Variants in BRIP1 observed in about 807,000 individuals in gnomAD.
BRIP1 encodes the protein Fanconi anemia group J protein.
In BRIP1, 88 loss-of-function variants were observed where a neutral mutation model predicts 119.7. The observed-to-expected ratio is 0.74, with a 90% confidence interval of 0.62 to 0.88. The LOEUF (loss-of-function observed/expected upper bound fraction) is 0.88. Ranked by LOEUF, BRIP1 falls within the 40% of genes least tolerant of loss-of-function variation. The pLI is 0.00. For synonymous variants in BRIP1, 443 were observed against 496.5 expected, an observed-to-expected ratio of 0.89 and a Z score of 1.43; for missense variants, 1,259 against 1,455.4, an observed-to-expected ratio of 0.87 and a Z score of 2.20.
intron 14 of BRIP1, among the ~76,000 whole-genome samples, chr17:61,747,697 A>G (rs1015784063): frequency 3.9e-5 from 6 of 152,076 alleles, no homozygotes; most frequent in Non-Finnish European, 8.8e-5. Context: ...ATTTTTATTT[A>G]TTTAATTTTA....
intron 17 of BRIP1, among the ~76,000 whole-genome samples, chr17:61,714,032 T>C (rs1005521521): frequency 6.6e-6 from 1 of 152,036 alleles, no homozygotes; most frequent in African/African-American, 2.4e-5. Flanking sequence ...TACAGCAAGC[T>C]GGGCACAGTG....
chr17:61,744,853 A>ACTACTG lies in BRIP1; in HGVS notation c.2098-268_2098-263dup, dbSNP rs1370510297. Among the ~76,000 whole-genome samples the ACTACTG allele has an allele frequency of 2.7e-5, 4 of 150,718 alleles. No individual in the cohort carries two copies. Among genetic ancestry groups the ACTACTG allele is most frequent in the Non-Finnish European group, 4.5e-5 (3 of 67,320 alleles). On this transcript the variant is annotated intron_variant, in intron 14 of 19. Transcript: ENST00000259008. This position sits in a 1 kb window ranked among gnomAD's most constrained non-coding sequence, Gnocchi z 5.0. ...TATTATCTTGGCAATTTCTACCACT[A>ACTACTG]CTACTGCTACTACTACTATTACTAC...
Position 61,745,954 on chromosome 17 carries a change from A to G in BRIP1, c.2098-1363T>C, listed in dbSNP as rs946318257. 3.3e-5 allele frequency among the ~76,000 whole-genome samples: 5 copies of G among 152,192 alleles called. No homozygotes were observed. The highest frequency in any genetic ancestry group is 7.3e-5 in the Non-Finnish European group (5 of 68,032). Reference sequence around the variant, plus strand: ...ATAAATGAAAAAGACAAAAGCTAATATTAGAGATTATTATTTAAATTGAAC... The same window carrying G: ...ATAAATGAAAAAGACAAAAGCTAATGTTAGAGATTATTATTTAAATTGAAC... On this transcript the variant is annotated intron_variant, in intron 14 of 19. Transcript: ENST00000259008. The surrounding 1 kb of genome is among the most constrained non-coding windows in gnomAD (Gnocchi z 4.4).
intron 16 of BRIP1, among the ~76,000 whole-genome samples, chr17:61,719,192 T>C (rs2061932383): frequency 6.9e-6 from 1 of 145,380 alleles, no homozygotes; most frequent in Admixed American, 6.9e-5. Context: ...CCCCCATGTT[T>C]ATTGCAGCAC....
chr17:61,692,102 C>T (rs2061455908), intron 18 of BRIP1, among the ~76,000 whole-genome samples: 1 of 152,170 alleles, frequency 6.6e-6, no homozygotes, highest in Non-Finnish European at 1.5e-5. Flanking sequence ...GGGACAGAAC[C>T]CTCATGAAAG....
chr17:61,719,184 C>CA (rs1198949126), intron 16 of BRIP1, among the ~76,000 whole-genome samples: 2 of 148,564 alleles, frequency 1.3e-5, no homozygotes, highest in Non-Finnish European at 3.0e-5. Flanking sequence ...TTGCCCCCCC[C>CA]CCATGTTTAT....
rs2078975192 is a variant in BRIP1, at chr17:61,861,629, C to G, written c.-30-60G>C. 5.3e-6 allele frequency: 5 copies of G among 940,420 alleles called. No individual in the cohort carries two copies. Among genetic ancestry groups the G allele is most frequent in the South Asian group, 4.0e-5 (3 of 74,336 alleles). 58.3% of individuals were successfully genotyped at this position (940,420 alleles called of 1,614,324 possible). A position where few individuals can be genotyped will look rare whatever the true frequency, so the allele number is the denominator to read the frequency against. ...ACGCCTTACAAAGAAAACCAGAGAA[C>G]CAAAACTAAGGGAGAAATCTGGAAA... is the stretch of plus-strand genomic sequence containing the variant. On this transcript the variant is annotated intron_variant, in intron 1 of 19. Coordinates refer to ENST00000259008, the MANE Select transcript of BRIP1 (RefSeq NM_032043.3). The surrounding 1 kb of genome is among the most constrained non-coding windows in gnomAD (Gnocchi z 4.5).
intron 10 of BRIP1, among the ~76,000 whole-genome samples, chr17:61,786,472 A>G (rs2077709046): frequency 6.6e-6 from 1 of 151,674 alleles, no homozygotes; most frequent in East Asian, 1.9e-4. Context: ...TATATTCTAT[A>G]GGTATACTAC....
Position 61,682,704 on chromosome 17 carries a change from T to A in BRIP1, c.*592A>T, listed in dbSNP as rs568447515. 5.1e-6 allele frequency: 1 copy of A among 195,616 alleles called. No individual in the cohort carries two copies. The highest frequency in any genetic ancestry group is 8.1e-5 in the East Asian group (1 of 12,322). The allele number at this position is 195,616 out of a possible 1,614,324, so 12.1% of individuals were successfully genotyped here. ...TTTTATGTATCAGTGTGAAAACAAA[T>A]GGATGAAGAGAACCACCTAATATGA... is the stretch of plus-strand genomic sequence containing the variant. On this transcript the variant is annotated 3_prime_UTR_variant, in exon 20 of 20. Transcript: ENST00000259008. The surrounding 1 kb of genome is among the most constrained non-coding windows in gnomAD (Gnocchi z 4.9).
At chr17:61,711,064 C>A (rs1344982186) in intron 17 of BRIP1, among the ~76,000 whole-genome samples, 4 of 147,020 alleles carry the variant, frequency 2.7e-5, no homozygotes, top group Non-Finnish European at 4.5e-5. Flanking sequence ...CCCAAAAAAA[C>A]CCAAACAAAC....
Position 61,789,942 on chromosome 17 carries a change from T to C in BRIP1, c.1473+3655A>G, listed in dbSNP as rs1051955792. Among the ~76,000 whole-genome samples the C allele has an allele frequency of 6.6e-6, 1 of 152,200 alleles. No homozygotes were observed. Among genetic ancestry groups the C allele is most frequent in the African/African-American group, 2.4e-5 (1 of 41,450 alleles). ...TTTTTTTCCCTTGACATACATTTTATTTGTACATTTTATAACTGACATGTA... is the reference window on the plus strand; with the variant it reads ...TTTTTTTCCCTTGACATACATTTTACTTGTACATTTTATAACTGACATGTA... On this transcript the variant is annotated intron_variant, in intron 10 of 19. Transcript: ENST00000259008. This position sits in a 1 kb window ranked among gnomAD's most constrained non-coding sequence, Gnocchi z 4.8.
At position 61,745,726 on chromosome 17, in the gene BRIP1, C is replaced by T; in HGVS notation, c.2098-1135G>A. ...TAAATAGAAAAAACACAGTATAACT[C>T]ATGAAATCTTTAGTTATGAATAAGA... On this transcript the variant is annotated intron_variant, in intron 14 of 19. Transcript: ENST00000259008. This position sits in a 1 kb window ranked among gnomAD's most constrained non-coding sequence, Gnocchi z 4.4. Among the ~76,000 whole-genome samples the T allele has an allele frequency of 6.6e-6, 1 of 152,226 alleles. No individual in the cohort carries two copies. Among genetic ancestry groups the T allele is most frequent in the East Asian group, 1.9e-4 (1 of 5,194 alleles).
At position 61,799,366 on chromosome 17, in the gene BRIP1, AT is replaced by A; in HGVS notation, c.1141-68del. 1 of 1,269,024 alleles carries A rather than the reference AT, an allele frequency of 7.9e-7. No individual in the cohort carries two copies. 78.6% of individuals were successfully genotyped at this position (1,269,024 alleles called of 1,614,324 possible). ...TAGATTTAACAACAGCAGGCAAGAT[AT>A]TTCATTTTAAAATTCACACTATAGG... On this transcript the variant is annotated intron_variant, in intron 8 of 19. Coordinates refer to ENST00000259008, the MANE Select transcript of BRIP1 (RefSeq NM_032043.3). This position sits in a 1 kb window ranked among gnomAD's most constrained non-coding sequence, Gnocchi z 5.1.
rs949186444 is a variant in BRIP1 at position 61,713,982 on chromosome 17, A to G, written c.2492+1969T>C. 1.3e-5 allele frequency among the ~76,000 whole-genome samples: 2 copies of G among 152,030 alleles called. No homozygotes were observed. Among genetic ancestry groups the G allele is most frequent in the Non-Finnish European group, 2.9e-5 (2 of 68,002 alleles). Reference sequence around the variant, plus strand: ...TTGTAAAAGAGTCAAAAAGGTAAAAAAAAAGATAAAAAGATAAAAAGTTTA... The same window carrying G: ...TTGTAAAAGAGTCAAAAAGGTAAAAGAAAAGATAAAAAGATAAAAAGTTTA... On this transcript the variant is annotated intron_variant, in intron 17 of 19. Transcript: ENST00000259008. The surrounding 1 kb of genome is among the most constrained non-coding windows in gnomAD (Gnocchi z 4.9).
chr17:61,683,837 G>A lies in BRIP1; in HGVS notation c.3209C>T (p.Ser1070Leu), dbSNP rs777213170. 1 of 1,614,152 alleles carries A rather than the reference G, an allele frequency of 6.2e-7. No homozygotes were observed. The highest frequency in any genetic ancestry group is 8.5e-7 in the Non-Finnish European group (1 of 1,180,000). The change falls in exon 20 of 20, where the codon TCA becomes TTA. Residue 1070 changes from serine to leucine, a missense_variant. By Grantham distance (145) the Ser-to-Leu change is moderately radical. Around this residue, in one of 3 missense-constraint regions of BRIP1, gnomAD observed 753 missense variants for 891.8 expected, o/e 0.84. Transcript: ENST00000259008. This position sits in a 1 kb window ranked among gnomAD's most constrained non-coding sequence, Gnocchi z 4.7. ...VNTSFGSCPQ[S>L]ETIISSLKID... ...CTTTAATGATGAAATAATGGTTTCT[G>A]ATTGAGGGCATGATCCAAACGATGT... is the stretch of plus-strand genomic sequence containing the variant.
intron 16 of BRIP1, among the ~76,000 whole-genome samples, chr17:61,731,707 G>A (rs1473270636): frequency 6.6e-6 from 1 of 151,846 alleles, no homozygotes; most frequent in Non-Finnish European, 1.5e-5. Context: ...AGCCTTTCTT[G>A]ATCCCCAAAG....
In BRIP1 at chr17:61,690,059, T is replaced by G. The variant is rs2061425525; in HGVS notation, c.2575+3371A>C. Among the ~76,000 whole-genome samples, 1 of 152,154 alleles carries G rather than the reference T, an allele frequency of 6.6e-6. No individual in the cohort carries two copies. The highest frequency in any genetic ancestry group is 1.5e-5 in the Non-Finnish European group (1 of 68,026). On this transcript the variant is annotated intron_variant, in intron 18 of 19. Coordinates refer to ENST00000259008, the MANE Select transcript of BRIP1 (RefSeq NM_032043.3). The surrounding 1 kb of genome is among the most constrained non-coding windows in gnomAD (Gnocchi z 5.6). Reference sequence around the variant, plus strand: ...TCTTGCATGCTGTAAGGAAGTGGGATGACATGTTTGAAGTGCTGAAAGAAA... The same window carrying G: ...TCTTGCATGCTGTAAGGAAGTGGGAGGACATGTTTGAAGTGCTGAAAGAAA...
rs1603355534 is a variant in BRIP1 at position 61,834,868 on chromosome 17, C to A, written c.627+12233G>T. ...AGTTGACCACAGACACATGAGTAGG[C>A]CACCTGAGATCAGCAGAAGAAATGC... On this transcript the variant is annotated intron_variant, in intron 6 of 19. Coordinates refer to ENST00000259008, the MANE Select transcript of BRIP1 (RefSeq NM_032043.3). The surrounding 1 kb of genome is among the most constrained non-coding windows in gnomAD (Gnocchi z 4.4). Among the ~76,000 whole-genome samples, 1 of 152,162 alleles carries A rather than the reference C, an allele frequency of 6.6e-6. No homozygotes were observed. Among genetic ancestry groups the A allele is most frequent in the East Asian group, 1.9e-4 (1 of 5,194 alleles).
In BRIP1 at chr17:61,717,773, C is replaced by T. The variant is rs1391237852; in HGVS notation, c.2380-1710G>A. 2.0e-5 allele frequency among the ~76,000 whole-genome samples: 3 copies of T among 151,928 alleles called. No individual in the cohort carries two copies. Among genetic ancestry groups the T allele is most frequent in the South Asian group, 2.1e-4 (1 of 4,814 alleles). On this transcript the variant is annotated intron_variant, in intron 16 of 19. Coordinates refer to ENST00000259008, the MANE Select transcript of BRIP1 (RefSeq NM_032043.3). The surrounding 1 kb of genome is among the most constrained non-coding windows in gnomAD (Gnocchi z 4.1). Reference sequence around the variant, plus strand: ...TCTAAATATATATATTATTCTGCCTCGAAACTCTTCTTCTTAGACTCCAAT... The same window carrying T: ...TCTAAATATATATATTATTCTGCCTTGAAACTCTTCTTCTTAGACTCCAAT...
Sources: allele counts gnomAD v4.1 joint callset (sites outside exome capture counted in the v4.1 genomes callset), GRCh38; gene constraint gnomAD v4.1.1; regional missense constraint gnomAD v4.1.1; non-coding constraint Gnocchi (gnomAD v3.1); transcripts MANE v1.5; gene names NCBI Gene and HGNC (gene_info 2026-07-23, HGNC 2026-07-21).